Variants in ZNG1A observed in about 807,000 individuals in gnomAD.
ZNG1A encodes zinc-regulated GTPase metalloprotein activator 1A.
At chr9:158,820 A>G in the ZNG1A span, among the ~76,000 whole-genome samples, 2 of 152,050 alleles carry the variant, frequency 1.3e-5, no homozygotes, top group South Asian at 4.1e-4. Context: ...TTCTATGCCC[A>G]TAGGAAAGCC....
chr9:151,454 A>C, the ZNG1A span: 1 of 962,614 alleles, frequency 1.0e-6, no homozygotes, highest in Non-Finnish European at 1.2e-6. Context: ...AAAAAAAAAA[A>C]AAAAAAAATG....
chr9:155,680 T>A, the ZNG1A span, among the ~76,000 whole-genome samples: 3 of 152,248 alleles, frequency 2.0e-5, no homozygotes, highest in South Asian at 6.2e-4. Context: ...CAAAACTAAA[T>A]TCACTTTAGT....
chr9:127,070 A>T, the ZNG1A span, among the ~76,000 whole-genome samples: 1 of 152,078 alleles, frequency 6.6e-6, no homozygotes, highest in Admixed American at 6.6e-5. Flanking sequence ...ATTTTCTTAA[A>T]ATTTATTGAG....
At chr9:128,386 T>C in the ZNG1A span, among the ~76,000 whole-genome samples, 2 of 151,828 alleles carry the variant, frequency 1.3e-5, no homozygotes, top group African/African-American at 4.8e-5. Context: ...CTTATTCTTT[T>C]TTCTTTGTCT....
At chr9:177,886 C>T in the ZNG1A span, 71 of 1,498,618 alleles carry the variant, frequency 4.7e-5, no homozygotes, top group African/African-American at 8.6e-4. Flanking sequence ...CGGGAATAAA[C>T]TTACAGTCTA....
chr9:148,539 G>A, the ZNG1A span: 1 of 94,280 alleles, frequency 1.1e-5, no homozygotes, highest in East Asian at 2.5e-4. Flanking sequence ...CTCCTTTGGA[G>A]ATAAAACCAT....
At chr9:154,227 A>G in the ZNG1A span, 12 of 165,314 alleles carry the variant, frequency 7.3e-5, no homozygotes, top group African/African-American at 2.6e-4. Flanking sequence ...AGACCACTTG[A>G]GTCAGGGAAG....
the ZNG1A span, among the ~76,000 whole-genome samples, chr9:145,338 C>T: frequency 5.3e-5 from 8 of 149,778 alleles, no homozygotes; most frequent in Admixed American, 1.3e-4. Flanking sequence ...GAAAATGTGG[C>T]ACATATACAC....
chr9:144,896 A>C, the ZNG1A span, among the ~76,000 whole-genome samples: 1 of 151,610 alleles, frequency 6.6e-6, no homozygotes, highest in African/African-American at 2.4e-5. Context: ...GGACATGAAC[A>C]GACACTTCTC....
At chr9:174,573 G>C in the ZNG1A span, among the ~76,000 whole-genome samples, 145 of 151,594 alleles carry the variant, frequency 9.6e-4, no homozygotes, top group African/African-American at 3.4e-3. Flanking sequence ...ATAAGATGAT[G>C]AAAAAAACAG....
chr9:150,116 G>GTTTTTTTTTTTTT, the ZNG1A span: 2 of 101,388 alleles, frequency 2.0e-5, no homozygotes, highest in Non-Finnish European at 1.9e-5. Context: ...CAAATCTCCG[G>GTTTTTTTTTTTTT]TTTTGTTTTT....
At chr9:162,533 A>G in the ZNG1A span, 12 of 1,552,120 alleles carry the variant, frequency 7.7e-6, no homozygotes, top group East Asian at 2.5e-4. Flanking sequence ...TTGTACAACC[A>G]TACTTCAAAA....
chr9:149,949 TC>T, the ZNG1A span, among the ~76,000 whole-genome samples: 1 of 148,790 alleles, frequency 6.7e-6, no homozygotes, highest in Admixed American at 6.7e-5. Context: ...TACACACTAT[TC>T]CTTTTCCTTA....
At chr9:151,358 G>A in the ZNG1A span, 4 of 981,182 alleles carry the variant, frequency 4.1e-6, no homozygotes, top group African/African-American at 7.3e-5. Flanking sequence ...GAGACTGAGT[G>A]GAACTAGACT....
At chr9:176,891 T>C in the ZNG1A span, among the ~76,000 whole-genome samples, 2 of 151,924 alleles carry the variant, frequency 1.3e-5, no homozygotes, top group African/African-American at 2.4e-5. Context: ...AGGTTTCTAA[T>C]ACGTTACAAA....
chr9:156,137 T>C, the ZNG1A span, among the ~76,000 whole-genome samples: 1 of 86,822 alleles, frequency 1.2e-5, no homozygotes, highest in Non-Finnish European at 2.4e-5. Context: ...AAAATAATAA[T>C]TATTATTATT....
chr9:155,064 T>C, the ZNG1A span, among the ~76,000 whole-genome samples: 1 of 151,742 alleles, frequency 6.6e-6, no homozygotes, highest in Non-Finnish European at 1.5e-5. Context: ...CTAAGTTCTG[T>C]TACTTGCTAC....
At chr9:147,175 C>CAGAAGAAA in the ZNG1A span, 1 of 22,622 alleles carries the variant, frequency 4.4e-5, no homozygotes, top group African/African-American at 2.0e-4. Context: ...GACTCCGCCT[C>CAGAAGAAA]AAAAGAAAAA....
chr9:152,687 G>C, the ZNG1A span, among the ~76,000 whole-genome samples: 1 of 151,800 alleles, frequency 6.6e-6, no homozygotes, highest in Non-Finnish European at 1.5e-5. Flanking sequence ...GCACCAAAAA[G>C]TACCTGTTAA....
Sources: gnomAD v4.1 joint callset for allele counts (sites outside exome capture counted in the v4.1 genomes callset) on GRCh38, gnomAD v4.1.1 for gene constraint, MANE v1.5 for transcripts, NCBI Gene and HGNC (gene_info 2026-07-23, HGNC 2026-07-21) for gene names.